The following TLE3 variants were observed in gnomAD, a reference collection of about 807,000 sequenced individuals.
TLE3 encodes the protein TLE family member 3, transcriptional corepressor.
In TLE3, 14 loss-of-function variants were observed where a neutral mutation model predicts 93.0. The ratio of observed to expected loss-of-function variants is 0.15; its 90% CI spans 0.10 to 0.24. The LOEUF is 0.24. TLE3 is among the 10% of genes least tolerant of loss of function. The pLI, the probability that TLE3 is intolerant of heterozygous loss-of-function variation, is 1.00. For missense variants in TLE3, 693 were observed against 1,046.6 expected (o/e 0.66, Z 4.66); for synonymous variants, 451 against 425.0 (o/e 1.06, Z -0.75).
Position 70,055,123 on chromosome 15 carries a change from C to T in TLE3, c.1504G>A (p.Gly502Ser). 6.2e-7 allele frequency: 1 copy of T among 1,614,200 alleles called. No homozygotes were observed. Among genetic ancestry groups the T allele is most frequent in the Non-Finnish European group, 8.5e-7 (1 of 1,180,026 alleles). ...SNPTRHVYTG[G>S]KGCVKIWDIS... is the part of the protein sequence containing the mutation. ...TCCCAGATCTTCACGCAGCCCTTGC[C>T]ACCTGTGTAGACGTGCCTCGTGGGG... The change falls in exon 15 of 20, where the codon GGC (glycine) becomes AGC (serine). Residue 502 changes from glycine (G) to serine (S), a missense_variant. Physicochemically the swap from Gly to Ser is moderately conservative, Grantham distance 56. This residue lies in a region of TLE3 where 153 missense variants were observed against 379.9 expected (regional missense o/e 0.40). Coordinates refer to ENST00000451782, the MANE Select transcript of TLE3 (RefSeq NM_001105192.3).
chr15:70,071,405 G>C (rs1458296347), intron 6 of TLE3, among the ~76,000 whole-genome samples: 1 of 152,102 alleles, frequency 6.6e-6, no homozygotes, highest in Non-Finnish European at 1.5e-5. Context: ...CCCTCTGTCT[G>C]TCTTTCCTTC....
chr15:70,069,672 C>T (rs1227683701), intron 6 of TLE3, among the ~76,000 whole-genome samples: 1 of 152,230 alleles, frequency 6.6e-6, no homozygotes, highest in East Asian at 1.9e-4. Flanking sequence ...ACAGGAGAGC[C>T]AACCTCCAAG....
rs75248563 is a variant in TLE3 at position 70,075,392 on chromosome 15, C to T, written c.297+704G>A. ...GAGGTAGTACCAGCCACATACACAG[C>T]TTTCTCTCCTACTGGGCTGCAAGCT... On this transcript the variant is annotated intron_variant, in intron 5 of 19. Coordinates refer to ENST00000451782, the MANE Select transcript of TLE3 (RefSeq NM_001105192.3). 9.5e-3 allele frequency among the ~76,000 whole-genome samples: 1,449 copies of T among 152,350 alleles called. 10 individuals carry two copies. Among genetic ancestry groups the T allele is most frequent in the Non-Finnish European group, 0.012 (838 of 68,026 alleles).
intron 7 of TLE3, 96 bp from the exon 8 acceptor site, chr15:70,064,566 CT>C (rs1388709660): frequency 2.6e-6 from 4 of 1,553,424 alleles, no homozygotes; most frequent in Non-Finnish European, 3.5e-6. Context: ...GTCCAGCTGG[CT>C]TTTGTGATTT....
intron 5 of TLE3, 143 bp from the exon 6 acceptor site, chr15:70,074,750 G>C: frequency 1.8e-6 from 1 of 553,364 alleles, no homozygotes; most frequent in Non-Finnish European, 3.1e-6. Flanking sequence ...CACAAGTAGG[G>C]GGGAGGGTGA....
chr15:70,058,269 C>A lies in TLE3; in HGVS notation c.941G>T (p.Gly314Val). The A allele has an allele frequency of 6.2e-7, 1 of 1,611,198 alleles. No homozygotes were observed. The highest frequency in any genetic ancestry group is 8.5e-7 in the Non-Finnish European group (1 of 1,178,530). ...LGHNDKSSTPGLKSNTPTPRN... is the reference protein window; with the variant it reads ...LGHNDKSSTPVLKSNTPTPRN... ...TGGGGTTGGTGTGTTGGACTTGAGC[C>A]CAGGGGTGGAGGATTTGTCGTTCTG... Residue 314 changes from glycine to valine, a missense_variant, in exon 12 of 20, where the codon GGG becomes GTG. Gly to Val is a moderately radical substitution (Grantham distance 109). This residue lies in a region of TLE3 where 405 missense variants were observed against 468.9 expected (regional missense o/e 0.86). Coordinates refer to ENST00000451782, the MANE Select transcript of TLE3 (RefSeq NM_001105192.3). This position sits in a 1 kb window ranked among gnomAD's most constrained non-coding sequence, Gnocchi z 4.1.
intron 4 of TLE3, among the ~76,000 whole-genome samples, chr15:70,080,892 C>T (rs964164516): frequency 6.6e-6 from 1 of 152,132 alleles, no homozygotes; most frequent in Admixed American, 6.5e-5. Context: ...CCAGTCCTTG[C>T]CCTTATTTTT....
chr15:70,081,346 G>A (rs890406322), intron 4 of TLE3, among the ~76,000 whole-genome samples: 1 of 152,234 alleles, frequency 6.6e-6, no homozygotes, highest in Non-Finnish European at 1.5e-5. Context: ...CAGCAGAGAA[G>A]AGCCAAGCCA....
intron 1 of TLE3, 33 bp downstream of exon 1, chr15:70,096,742 G>A (rs1054263069): frequency 3.1e-6 from 5 of 1,612,190 alleles, no homozygotes; most frequent in South Asian, 2.2e-5. Flanking sequence ...TGCCATGATA[G>A]ATGCTTAAAT....
intron 4 of TLE3, among the ~76,000 whole-genome samples, chr15:70,084,525 G>C (rs541708424): frequency 6.6e-6 from 1 of 152,220 alleles, no homozygotes; most frequent in Admixed American, 6.5e-5. Flanking sequence ...GATGCCTGTA[G>C]TATGGTGGTC....
Position 70,058,352 on chromosome 15 carries a change from G to T in TLE3, c.919-61C>A, listed in dbSNP as rs1229442042. On this transcript the variant is annotated intron_variant, in intron 11 of 19. Coordinates refer to ENST00000451782, the MANE Select transcript of TLE3 (RefSeq NM_001105192.3). This position sits in a 1 kb window ranked among gnomAD's most constrained non-coding sequence, Gnocchi z 4.1. ...AGGCTTCCATTCTCCTAGGAGCCGG[G>T]CACAACTGGTGCCGGTCCCAACGTG... is the stretch of plus-strand genomic sequence containing the variant. 2 of 1,538,652 alleles carry T rather than the reference G, an allele frequency of 1.3e-6. No homozygotes were observed. The highest frequency in any genetic ancestry group is 2.8e-5 in the African/African-American group (2 of 72,562).
chr15:70,070,706 C>T (rs1211519510), intron 6 of TLE3, among the ~76,000 whole-genome samples: 1 of 152,144 alleles, frequency 6.6e-6, no homozygotes, highest in Non-Finnish European at 1.5e-5. Flanking sequence ...CCATCAGCAA[C>T]CAGAGCCCAG....
intron 6 of TLE3, 30 bp from the exon 7 acceptor site, chr15:70,066,248 G>C (rs1052728481): frequency 2.9e-5 from 43 of 1,476,650 alleles, no homozygotes; most frequent in Non-Finnish European, 3.7e-5. Context: ...GAGTACAGCT[G>C]AGTTGGGGAG....
Position 70,054,437 on chromosome 15 carries a change from C to A in TLE3, c.1826+1G>T. 6.2e-7 allele frequency: 1 copy of A among 1,612,206 alleles called. No individual in the cohort carries two copies. Among genetic ancestry groups the A allele is most frequent in the Non-Finnish European group, 8.5e-7 (1 of 1,178,610 alleles). On this transcript the variant is annotated splice_donor_variant, in intron 16 of 19. Transcript: ENST00000451782. LOFTEE classifies it high-confidence loss of function. ...ACTAATGCTCCCTCCTGCCGGCTCA[C>A]CTGACCAGGGTCTGGTTGTGCAGGT...
chr15:70,056,282 T>C lies in TLE3; in HGVS notation c.1328+16A>G. ...CCCACCCTACAAAGCATGCAGTAAGTATAGCCAAAGCTTACGGTTTTCCTC... is the reference window on the plus strand; with the variant it reads ...CCCACCCTACAAAGCATGCAGTAAGCATAGCCAAAGCTTACGGTTTTCCTC... On this transcript the variant is annotated intron_variant, in intron 14 of 19. Coordinates refer to ENST00000451782, the MANE Select transcript of TLE3 (RefSeq NM_001105192.3). 2.5e-6 allele frequency: 4 copies of C among 1,613,056 alleles called. No individual in the cohort carries two copies. Among genetic ancestry groups the C allele is most frequent in the Non-Finnish European group, 3.4e-6 (4 of 1,179,516 alleles).
In TLE3 at chr15:70,053,271, G is replaced by A. The variant is rs1179817985; in HGVS notation, c.1930C>T (p.Leu644=). The A allele has an allele frequency of 6.2e-7, 1 of 1,609,182 alleles. No homozygotes were observed. The highest frequency in any genetic ancestry group is 8.5e-7 in the Non-Finnish European group (1 of 1,177,748). ...TGCTGTAGCTGTCGGCCCTCCCGCA[G>A]GTCCCAGGAGCGCACCGTGTTGTCC... ...GLDNTVRSWD[L]REGRQLQQHD... Residue 644 remains leucine, a synonymous_variant, in exon 17 of 20, where the codon CTG becomes TTG. Coordinates refer to ENST00000451782, the MANE Select transcript of TLE3 (RefSeq NM_001105192.3).
At chr15:70,071,748 T>C (rs186960477) in intron 6 of TLE3, among the ~76,000 whole-genome samples, 1,893 of 152,222 alleles carry the variant, frequency 0.012, 44 homozygotes, top group African/African-American at 0.044. Context: ...AACAGTGCAG[T>C]GGGGGTAGCC....
At chr15:70,089,328 C>T (rs1253102752) in intron 4 of TLE3, among the ~76,000 whole-genome samples, 3 of 152,216 alleles carry the variant, frequency 2.0e-5, no homozygotes, top group Non-Finnish European at 4.4e-5. Context: ...CATCCGACTC[C>T]CCCGCAGAGG....
chr15:70,054,893 G>A (rs1314896848), intron 15 of TLE3, 156 bp downstream of exon 15: 41 of 1,273,268 alleles, frequency 3.2e-5, no homozygotes, highest in Non-Finnish European at 4.3e-5. Flanking sequence ...CCCACACACA[G>A]AAGGCACAAC....
Sources: gnomAD v4.1 joint callset for allele counts (sites outside exome capture counted in the v4.1 genomes callset) on GRCh38, gnomAD v4.1.1 for gene constraint, gnomAD v4.1.1 regional missense constraint, Gnocchi (gnomAD v3.1) non-coding constraint, MANE v1.5 for transcripts, NCBI Gene and HGNC (gene_info 2026-07-23, HGNC 2026-07-21) for gene names.